EBF1: variants seen among roughly 807,000 people sequenced by gnomAD.
The protein encoded by EBF1 is EBF transcription factor 1, also known as transcription factor COE1.
A neutral mutation model predicts 68.4 loss-of-function variants in EBF1; 10 were observed. That is an observed-to-expected ratio of 0.15 (90% CI 0.09 to 0.25). The LOEUF (loss-of-function observed/expected upper bound fraction) is 0.25, where lower values mean the gene tolerates loss of function less well. Ranked by LOEUF, EBF1 falls within the 10% of genes least tolerant of loss-of-function variation. The pLI is 1.00. For synonymous variants in EBF1, 298 were observed against 299.8 expected, an observed-to-expected ratio of 0.99 and a Z score of 0.06; for missense variants, 509 against 794.4, an observed-to-expected ratio of 0.64 and a Z score of 4.32.
intron 6 of EBF1, among the ~76,000 whole-genome samples, chr5:158,927,269 T>C (rs1343674206): frequency 6.6e-6 from 1 of 152,234 alleles, no homozygotes; most frequent in African/African-American, 2.4e-5. Context: ...GTTACCATCA[T>C]AATCATCATC....
intron 4 of EBF1, among the ~76,000 whole-genome samples, chr5:159,085,044 G>C (rs1369805345): frequency 6.6e-6 from 1 of 152,180 alleles, no homozygotes; most frequent in Non-Finnish European, 1.5e-5. Flanking sequence ...TCAATAAGGA[G>C]GGAAACCCCA....
At chr5:158,800,757 C>T (rs62386875) in intron 8 of EBF1, among the ~76,000 whole-genome samples, 12 of 152,066 alleles carry the variant, frequency 7.9e-5, no homozygotes, top group African/African-American at 2.9e-4. Flanking sequence ...GGAAAAATCA[C>T]TTTTAATAGT....
intron 6 of EBF1, among the ~76,000 whole-genome samples, chr5:158,903,939 T>C (rs1238840023): frequency 6.6e-6 from 1 of 152,032 alleles, no homozygotes; most frequent in Non-Finnish European, 1.5e-5. Context: ...CAAGGAGAAG[T>C]AGAGGCTCAG....
At chr5:159,061,746 G>C (rs1484571414) in intron 6 of EBF1, among the ~76,000 whole-genome samples, 4 of 149,574 alleles carry the variant, frequency 2.7e-5, no homozygotes, top group African/African-American at 9.9e-5. Flanking sequence ...TTTTTTTTAC[G>C]TTTCAATCCT....
At chr5:159,087,726 A>G (rs1780966185) in intron 4 of EBF1, among the ~76,000 whole-genome samples, 1 of 152,104 alleles carries the variant, frequency 6.6e-6, no homozygotes, top group South Asian at 2.1e-4. Flanking sequence ...TGGTGACTGA[A>G]TATCACTTGT....
chr5:158,945,062 G>C (rs1183595345), intron 6 of EBF1, among the ~76,000 whole-genome samples: 2 of 152,162 alleles, frequency 1.3e-5, no homozygotes, highest in Non-Finnish European at 2.9e-5. Flanking sequence ...CTGTGCAGAA[G>C]CTCTTTAGTT....
chr5:159,076,886 G>T (rs1363108717), intron 5 of EBF1, among the ~76,000 whole-genome samples: 1 of 152,210 alleles, frequency 6.6e-6, no homozygotes, highest in Admixed American at 6.5e-5. Flanking sequence ...ACATACATGT[G>T]TATATGGAAT....
intron 6 of EBF1, among the ~76,000 whole-genome samples, chr5:158,858,795 A>G (rs1297692554): frequency 6.6e-6 from 1 of 152,222 alleles, no homozygotes; most frequent in African/African-American, 2.4e-5. Flanking sequence ...CTCAGAGGAA[A>G]GGAAGAGGGG....
At chr5:159,085,313 G>A (rs183906665) in intron 4 of EBF1, among the ~76,000 whole-genome samples, 13 of 152,268 alleles carry the variant, frequency 8.5e-5, no homozygotes, top group Admixed American at 7.2e-4. Flanking sequence ...CTCACAGGGT[G>A]CACACCCACC....
intron 6 of EBF1, among the ~76,000 whole-genome samples, chr5:158,887,030 A>C (rs924182962): frequency 1.3e-5 from 2 of 152,246 alleles, no homozygotes; most frequent in African/African-American, 2.4e-5. Context: ...TTATATTAAC[A>C]GAAGAGGACA....
At chr5:158,909,906 G>A (rs111323656) in intron 6 of EBF1, among the ~76,000 whole-genome samples, 7,840 of 129,770 alleles carry the variant, frequency 0.06, 280 homozygotes, top group Admixed American at 0.08. Flanking sequence ...GCAGTGAGCC[G>A]AGATTGCACC....
chr5:159,011,801 T>C (rs892456311), intron 6 of EBF1, among the ~76,000 whole-genome samples: 2 of 152,230 alleles, frequency 1.3e-5, no homozygotes, highest in African/African-American at 4.8e-5. Flanking sequence ...TAAAGAAGCC[T>C]GTCTAACCAG....
intron 8 of EBF1, among the ~76,000 whole-genome samples, chr5:158,820,957 G>C (rs1465465959): frequency 6.6e-6 from 1 of 152,088 alleles, no homozygotes; most frequent in Non-Finnish European, 1.5e-5. Context: ...CAAAAATTTT[G>C]TAATTAGTTA....
At chr5:159,087,118 T>C (rs1287169875) in intron 4 of EBF1, among the ~76,000 whole-genome samples, 4 of 151,844 alleles carry the variant, frequency 2.6e-5, no homozygotes, top group African/African-American at 9.7e-5. Flanking sequence ...TAAATACTCG[T>C]AATAATCTCT....
chr5:158,939,990 A>C (rs1376257891), intron 6 of EBF1, among the ~76,000 whole-genome samples: 1 of 152,190 alleles, frequency 6.6e-6, no homozygotes, highest in African/African-American at 2.4e-5. Context: ...CACTCTCCTC[A>C]TTAAAGGCTT....
chr5:159,018,797 G>A (rs771458354), intron 6 of EBF1, among the ~76,000 whole-genome samples: 6 of 152,168 alleles, frequency 3.9e-5, no homozygotes, highest in African/African-American at 7.2e-5. Context: ...CCCAAATCAC[G>A]TAGCTAGTAA....
chr5:159,097,870 G>A (rs913339455), intron 1 of EBF1, among the ~76,000 whole-genome samples: 10 of 152,236 alleles, frequency 6.6e-5, no homozygotes, highest in African/African-American at 2.4e-4. Context: ...TGGGAGGCTG[G>A]AGCGCCTGGG....
intron 6 of EBF1, among the ~76,000 whole-genome samples, chr5:158,917,572 T>C (rs1807489924): frequency 6.6e-6 from 1 of 152,216 alleles, no homozygotes; most frequent in Non-Finnish European, 1.5e-5. Context: ...TATCTTCATG[T>C]GTGTTAGGAA....
At chr5:158,783,767 A>G (rs549155660) in intron 9 of EBF1, among the ~76,000 whole-genome samples, 1 of 152,308 alleles carries the variant, frequency 6.6e-6, no homozygotes, top group South Asian at 2.1e-4. Flanking sequence ...AAGGTGGTTG[A>G]ATGGGGCCTC....
Sources: allele counts gnomAD v4.1 joint callset (sites outside exome capture counted in the v4.1 genomes callset), GRCh38; gene constraint gnomAD v4.1.1; transcripts MANE v1.5; gene names NCBI Gene and HGNC (gene_info 2026-07-23, HGNC 2026-07-21).